Variants in TRAPPC11 observed in about 807,000 individuals in gnomAD.
The protein encoded by TRAPPC11 is trafficking protein particle complex subunit 11, also known as foie gras homolog.
In TRAPPC11, 104 loss-of-function variants were observed where a neutral mutation model predicts 151.2. The ratio of observed to expected loss-of-function variants is 0.69; its 90% CI spans 0.59 to 0.81. The LOEUF (loss-of-function observed/expected upper bound fraction) is 0.81, where lower values mean the gene tolerates loss of function less well. Ranked by LOEUF, TRAPPC11 falls within the 30% of genes least tolerant of loss-of-function variation. The pLI, the probability that TRAPPC11 is intolerant of heterozygous loss-of-function variation, is 0.00. For missense variants in TRAPPC11, 1,230 were observed against 1,349.6 expected (o/e 0.91, Z 1.39); for synonymous variants, 456 against 472.3 (o/e 0.97, Z 0.45).
chr4:183,703,339 G>A (rs1056405111), intron 26 of TRAPPC11, among the ~76,000 whole-genome samples: 2 of 152,178 alleles, frequency 1.3e-5, no homozygotes, highest in Admixed American at 6.5e-5. Flanking sequence ...TAAGAATGGA[G>A]AAATATGTAA....
intron 25 of TRAPPC11, among the ~76,000 whole-genome samples, chr4:183,699,681 C>T (rs979461787): frequency 2.6e-5 from 4 of 152,160 alleles, no homozygotes; most frequent in East Asian, 1.9e-4. Context: ...AGCCTGGTTG[C>T]GTTCCTTCTG....
At chr4:183,703,956 A>G (rs1335092741) in intron 26 of TRAPPC11, among the ~76,000 whole-genome samples, 2 of 152,160 alleles carry the variant, frequency 1.3e-5, no homozygotes, top group East Asian at 1.9e-4. Context: ...GTGCTCTTCA[A>G]AGTGGTCTGG....
At chr4:183,678,749 A>G (rs553811791) in intron 8 of TRAPPC11, among the ~76,000 whole-genome samples, 28 of 152,330 alleles carry the variant, frequency 1.8e-4, no homozygotes, top group African/African-American at 6.5e-4. Context: ...TGGATGAGAG[A>G]CTGACTTTTC....
chr4:183,665,305 A>G (rs1026145473), intron 2 of TRAPPC11, among the ~76,000 whole-genome samples: 2 of 152,012 alleles, frequency 1.3e-5, no homozygotes, highest in Non-Finnish European at 2.9e-5. Flanking sequence ...CGTGTTAGCC[A>G]GGATGGTCTC....
In TRAPPC11 at chr4:183,697,547, G is replaced by T. The variant is rs531748969; in HGVS notation, c.2673G>T (p.Ala891=). The T allele has an allele frequency of 6.2e-7, 1 of 1,603,410 alleles. No homozygotes were observed. The highest frequency in any genetic ancestry group is 8.5e-7 in the Non-Finnish European group (1 of 1,177,810). Residue 891 remains alanine, a synonymous_variant, in exon 24 of 30, where the codon GCG becomes GCT. Coordinates refer to ENST00000334690, the MANE Select transcript of TRAPPC11 (RefSeq NM_021942.6). ...TIETVFPFDV[A]VKFVSTKFEH... ...AAACAGTCTTTCCATTTGATGTTGC[G>T]GTTAAATTTGTTTCTACCAAGGTAT...
intron 15 of TRAPPC11, 80 bp from the exon 16 acceptor site, chr4:183,685,004 C>A: frequency 1.4e-6 from 2 of 1,412,614 alleles, no homozygotes; most frequent in South Asian, 1.3e-5. Flanking sequence ...ATTATTATAT[C>A]AAGTTTCTAA....
chr4:183,675,063 A>G, intron 6 of TRAPPC11, 101 bp from the exon 7 acceptor site: 1 of 652,170 alleles, frequency 1.5e-6, no homozygotes, highest in East Asian at 3.3e-5. Context: ...TTCAGTTTTG[A>G]ATATTTTTCT....
intron 25 of TRAPPC11, chr4:183,701,185 A>G (rs1289183636): frequency 2.0e-5 from 3 of 153,058 alleles, no homozygotes; most frequent in Non-Finnish European, 2.9e-5. Context: ...TCATGTTGGC[A>G]CTCAAAACAT....
At chr4:183,665,697 C>T (rs533026772) in intron 2 of TRAPPC11, among the ~76,000 whole-genome samples, 3 of 152,360 alleles carry the variant, frequency 2.0e-5, no homozygotes, top group African/African-American at 7.2e-5. Context: ...ATCCTCTTCC[C>T]ACTCTGTGGC....
chr4:183,683,938 G>A (rs779104128), intron 11 of TRAPPC11, 37 bp from the exon 12 acceptor site: 1 of 1,507,252 alleles, frequency 6.6e-7, no homozygotes, highest in Non-Finnish European at 9.2e-7. Flanking sequence ...TATATTAAAT[G>A]AGCTGTCTAA....
chr4:183,705,212 T>A (rs1736996233), intron 27 of TRAPPC11, 142 bp downstream of exon 27: 1 of 542,320 alleles, frequency 1.8e-6, no homozygotes, highest in Non-Finnish European at 3.4e-6. Flanking sequence ...TCTTGCTTCC[T>A]CTCTACTTCT....
At chr4:183,663,807 T>G (rs957043963) in intron 1 of TRAPPC11, 40 bp from the exon 2 acceptor site, 5 of 1,384,160 alleles carry the variant, frequency 3.6e-6, no homozygotes, top group Middle Eastern at 2.2e-4. Context: ...ATATGAGTTT[T>G]TAAAAATTAA....
At chr4:183,705,823 A>G (rs72693619) in intron 27 of TRAPPC11, 42,218 of 152,080 alleles carry the variant, frequency 0.28, 6,530 homozygotes, top group African/African-American at 0.42. Flanking sequence ...GGAGGCAGGT[A>G]ACATCTGTCC....
chr4:183,668,897 A>G (rs1054845413), intron 5 of TRAPPC11, among the ~76,000 whole-genome samples: 5 of 152,220 alleles, frequency 3.3e-5, no homozygotes, highest in Non-Finnish European at 5.9e-5. Context: ...TTCATTCTGC[A>G]TAAGTGTCCT....
chr4:183,679,104 G>C (rs890743174), intron 8 of TRAPPC11, among the ~76,000 whole-genome samples: 7 of 152,090 alleles, frequency 4.6e-5, no homozygotes, highest in Non-Finnish European at 8.8e-5. Context: ...TTTTTTAAAA[G>C]CTTTTCTAAA....
intron 1 of TRAPPC11, among the ~76,000 whole-genome samples, chr4:183,661,419 T>G (rs1253732105): frequency 1.5e-5 from 2 of 135,926 alleles, no homozygotes; most frequent in South Asian, 4.9e-4. Context: ...TCGCCCAGGC[T>G]GGAGTGCAGT....
chr4:183,663,232 AT>A (rs933875683), intron 1 of TRAPPC11, among the ~76,000 whole-genome samples: 1 of 150,966 alleles, frequency 6.6e-6, no homozygotes, highest in African/African-American at 2.4e-5. Context: ...TGTCCAGCTA[AT>A]TTTTTGTTTT....
chr4:183,661,639 G>C (rs1035199030), intron 1 of TRAPPC11, among the ~76,000 whole-genome samples: 10 of 151,954 alleles, frequency 6.6e-5, no homozygotes, highest in South Asian at 6.2e-4. Flanking sequence ...CCAAAGTGCT[G>C]GGATTACAGG....
chr4:183,665,024 C>G (rs1318466618), intron 2 of TRAPPC11, among the ~76,000 whole-genome samples: 1 of 151,516 alleles, frequency 6.6e-6, no homozygotes, highest in Non-Finnish European at 1.5e-5. Context: ...GGAAACTGAG[C>G]TCTCTGAAAT....
Sources: allele counts gnomAD v4.1 joint callset (sites outside exome capture counted in the v4.1 genomes callset), GRCh38; gene constraint gnomAD v4.1.1; transcripts MANE v1.5; gene names NCBI Gene and HGNC (gene_info 2026-07-23, HGNC 2026-07-21).